The following SBF2 variants were observed in gnomAD, a reference collection of about 807,000 sequenced individuals.
SBF2 encodes myotubularin-related protein 13.
SBF2 carries 112 observed loss-of-function variants against 225.2 expected under a neutral mutation model. The observed-to-expected ratio is 0.50, with a 90% CI of 0.43 to 0.58. The LOEUF (loss-of-function observed/expected upper bound fraction) is 0.58. Among genes scored for constraint, SBF2 ranks in the 20% least tolerant of loss-of-function variants. The pLI is 0.00. For missense variants in SBF2, 1,996 were observed against 2,206.2 expected, an observed-to-expected ratio of 0.90 and a Z score of 1.91; for synonymous variants, 763 against 773.3, an observed-to-expected ratio of 0.99 and a Z score of 0.22.
intron 21 of SBF2, among the ~76,000 whole-genome samples, chr11:9,851,472 C>T (rs1343914954): frequency 6.6e-6 from 1 of 152,042 alleles, no homozygotes; most frequent in Non-Finnish European, 1.5e-5. Context: ...TAGACCTGTC[C>T]TTGGCCACGT....
intron 17 of SBF2, among the ~76,000 whole-genome samples, chr11:9,883,790 T>A (rs1358269792): frequency 2.0e-5 from 3 of 152,126 alleles, no homozygotes; most frequent in Non-Finnish European, 4.4e-5. Flanking sequence ...TAAAAATAAG[T>A]ATCCCTCATT....
At chr11:10,278,048 A>G (rs945065102) in intron 1 of SBF2, among the ~76,000 whole-genome samples, 1 of 152,206 alleles carries the variant, frequency 6.6e-6, no homozygotes, top group Admixed American at 6.5e-5. Context: ...CTTCCCTGCA[A>G]TAGTATTAAT....
chr11:10,085,469 T>C (rs543633490), intron 2 of SBF2, among the ~76,000 whole-genome samples: 1 of 152,312 alleles, frequency 6.6e-6, no homozygotes, highest in South Asian at 2.1e-4. Context: ...TTTCAATGAC[T>C]GTATTTTTAT....
At chr11:10,273,848 T>C (rs975668002) in intron 1 of SBF2, among the ~76,000 whole-genome samples, 2 of 152,242 alleles carry the variant, frequency 1.3e-5, no homozygotes, top group Non-Finnish European at 2.9e-5. Context: ...GAATAGGTTG[T>C]CTGTCTTGCC....
chr11:9,781,006 A>G (rs1851969340), intron 39 of SBF2, among the ~76,000 whole-genome samples: 1 of 152,206 alleles, frequency 6.6e-6, no homozygotes, highest in African/African-American at 2.4e-5. Context: ...AGGATGACCT[A>G]TCCTCTTTAT....
At chr11:10,072,299 T>C (rs996629882) in intron 2 of SBF2, among the ~76,000 whole-genome samples, 2 of 152,158 alleles carry the variant, frequency 1.3e-5, no homozygotes, top group Admixed American at 6.6e-5. Flanking sequence ...AAAACATGAC[T>C]CATATCAAGG....
chr11:10,236,603 G>A (rs1204377769), intron 1 of SBF2, among the ~76,000 whole-genome samples: 7 of 126,082 alleles, frequency 5.6e-5, no homozygotes. Flanking sequence ...GGGACTACAG[G>A]TGTGCACCAC....
intron 2 of SBF2, among the ~76,000 whole-genome samples, chr11:10,058,840 T>C (rs773669887): frequency 1.3e-5 from 2 of 152,104 alleles, no homozygotes; most frequent in Non-Finnish European, 2.9e-5. Context: ...CCAGAAGAGA[T>C]TGGGGGCCTA....
chr11:10,139,062 A>C lies in SBF2; in HGVS notation c.141+54840T>G, dbSNP rs150854036. On this transcript the variant is annotated intron_variant, in intron 2 of 39. Coordinates refer to ENST00000256190, the MANE Select transcript of SBF2 (RefSeq NM_030962.4). ...CATATAATAAAAAAGTATTAATGGA[A>C]GGGGAGATTATTCATATCATAAACT... 7.0e-3 allele frequency among the ~76,000 whole-genome samples: 1,063 copies of C among 152,300 alleles called. 12 individuals are homozygous for C. Among genetic ancestry groups the C allele is most frequent in the African/African-American group, 0.024 (1,005 of 41,572 alleles).
chr11:10,049,984 C>T (rs1054624151), intron 2 of SBF2, among the ~76,000 whole-genome samples: 2 of 152,134 alleles, frequency 1.3e-5, no homozygotes, highest in African/African-American at 2.4e-5. Flanking sequence ...TGTAACGATA[C>T]AGCCTGCATC....
intron 14 of SBF2, among the ~76,000 whole-genome samples, chr11:9,967,674 G>C (rs1021603774): frequency 6.6e-6 from 1 of 152,234 alleles, no homozygotes; most frequent in East Asian, 1.9e-4. Flanking sequence ...CCAACACTTT[G>C]GGAGGCCAAG....
At chr11:9,990,923 A>T (rs1947407373) in intron 12 of SBF2, among the ~76,000 whole-genome samples, 1 of 152,192 alleles carries the variant, frequency 6.6e-6, no homozygotes, top group African/African-American at 2.4e-5. Flanking sequence ...CTACAAAAAT[A>T]GAGGCTGTGG....
chr11:10,063,034 G>A (rs1950503670), intron 2 of SBF2, among the ~76,000 whole-genome samples: 1 of 152,076 alleles, frequency 6.6e-6, no homozygotes, highest in African/African-American at 2.4e-5. Flanking sequence ...CATGTCTTTT[G>A]CCGGACCATG....
intron 1 of SBF2, among the ~76,000 whole-genome samples, chr11:10,280,506 G>A (rs975537318): frequency 6.6e-6 from 1 of 152,108 alleles, no homozygotes; most frequent in African/African-American, 2.4e-5. Context: ...ATGTTACTGA[G>A]AGCAATAATA....
intron 16 of SBF2, among the ~76,000 whole-genome samples, chr11:9,935,382 A>C (rs1202428419): frequency 6.6e-6 from 1 of 152,208 alleles, no homozygotes; most frequent in Non-Finnish European, 1.5e-5. Flanking sequence ...ATACTGCCCA[A>C]GGTAATTTAT....
chr11:9,934,234 T>C (rs972423788), intron 16 of SBF2, among the ~76,000 whole-genome samples: 8 of 152,074 alleles, frequency 5.3e-5, no homozygotes, highest in Non-Finnish European at 1.0e-4. Context: ...CCTGGACACA[T>C]ACACCCTCCC....
chr11:9,919,506 G>C (rs997321223), intron 16 of SBF2, among the ~76,000 whole-genome samples: 2 of 152,100 alleles, frequency 1.3e-5, no homozygotes, highest in Non-Finnish European at 2.9e-5. Context: ...GTGTGCGTGA[G>C]AGGGTCGTGA....
intron 14 of SBF2, among the ~76,000 whole-genome samples, chr11:9,967,024 G>C (rs1444499476): frequency 6.6e-6 from 1 of 152,124 alleles, no homozygotes; most frequent in Non-Finnish European, 1.5e-5. Flanking sequence ...TCAATTGATG[G>C]ATAAATAACC....
intron 6 of SBF2, among the ~76,000 whole-genome samples, chr11:10,016,191 A>C (rs770276968): frequency 1.3e-5 from 2 of 152,182 alleles, no homozygotes; most frequent in Non-Finnish European, 2.9e-5. Context: ...GTATCAGATA[A>C]ATTGTGAAGA....
Sources: allele counts gnomAD v4.1 joint callset (sites outside exome capture counted in the v4.1 genomes callset), GRCh38; gene constraint gnomAD v4.1.1; transcripts MANE v1.5; gene names NCBI Gene and HGNC (gene_info 2026-07-23, HGNC 2026-07-21).